GRIK1: variants seen among roughly 807,000 people sequenced by gnomAD.
GRIK1 encodes the protein glutamate ionotropic receptor kainate type subunit 1.
In GRIK1, 69 loss-of-function variants were observed where a neutral mutation model predicts 105.7. The observed-to-expected ratio is 0.65, with a 90% CI of 0.54 to 0.80. GRIK1 has a LOEUF of 0.80. GRIK1 is among the 30% of genes least tolerant of loss of function. GRIK1 has a pLI of 0.00. For missense variants in GRIK1, 1,109 were observed against 1,167.3 expected, an observed-to-expected ratio of 0.95 and a Z score of 0.73; for synonymous variants, 438 against 431.3, an observed-to-expected ratio of 1.02 and a Z score of -0.19.
chr21:29,660,357 C>T (rs1454571972), intron 4 of GRIK1, among the ~76,000 whole-genome samples: 3 of 152,156 alleles, frequency 2.0e-5, no homozygotes, highest in South Asian at 4.2e-4. Flanking sequence ...GGTCTAATGG[C>T]TGTGGTTGTT....
intron 1 of GRIK1, among the ~76,000 whole-genome samples, chr21:29,887,712 T>C (rs1272832273): frequency 6.6e-6 from 1 of 152,136 alleles, no homozygotes; most frequent in Non-Finnish European, 1.5e-5. Context: ...TCTTCCTTCC[T>C]CAGTGTGTTG....
intron 1 of GRIK1, among the ~76,000 whole-genome samples, chr21:29,752,930 G>A (rs1426392551): frequency 6.6e-6 from 1 of 152,216 alleles, no homozygotes; most frequent in Non-Finnish European, 1.5e-5. Flanking sequence ...GGTGGGAGTG[G>A]AGGACTCTGC....
intron 1 of GRIK1, among the ~76,000 whole-genome samples, chr21:29,879,866 A>G (rs1188367930): frequency 3.9e-5 from 6 of 151,912 alleles, no homozygotes; most frequent in Non-Finnish European, 5.9e-5. Flanking sequence ...TTTTTTTTTT[A>G]ACAAATGCTT....
chr21:29,821,617 T>C (rs1018076910), intron 1 of GRIK1, among the ~76,000 whole-genome samples: 2 of 151,992 alleles, frequency 1.3e-5, no homozygotes, highest in Non-Finnish European at 2.9e-5. Context: ...AACACTTAAG[T>C]TCCCTGCAAT....
rs971483573 is a variant in GRIK1 at position 29,713,834 on chromosome 21, G to T, written c.119-19771C>A. Among the ~76,000 whole-genome samples, 11 of 150,216 alleles carry T rather than the reference G, an allele frequency of 7.3e-5. No homozygotes were observed. In the East Asian group the frequency reaches 2.1e-3, roughly 29 times the overall value. On this transcript the variant is annotated intron_variant, in intron 1 of 17. Coordinates refer to ENST00000327783, the MANE Select transcript of GRIK1 (RefSeq NM_001330994.2). ...CAGCTGAACTTTTCCTCTGCCATTT[G>T]TTTTTTTTTGCTTCAGCTGTACAGT...
intron 1 of GRIK1, among the ~76,000 whole-genome samples, chr21:29,773,662 G>A (rs1203639178): frequency 6.6e-6 from 1 of 151,952 alleles, no homozygotes; most frequent in Non-Finnish European, 1.5e-5. Context: ...GTACACCATA[G>A]CTCATCTAGA....
chr21:29,777,306 C>G (rs458784), intron 1 of GRIK1, among the ~76,000 whole-genome samples: 21,484 of 152,086 alleles, frequency 0.14, 1,558 homozygotes, highest in Non-Finnish European at 0.16. Flanking sequence ...GATCCTGGTT[C>G]AATGGGTTAG....
chr21:29,914,017 G>A (rs543940482), intron 1 of GRIK1, among the ~76,000 whole-genome samples: 4 of 152,084 alleles, frequency 2.6e-5, no homozygotes, highest in South Asian at 2.1e-4. Context: ...GATGGATATT[G>A]TTTAGTTTAT....
chr21:29,581,595 A>C, intron 12 of GRIK1, 52 bp from the exon 13 acceptor site: 2 of 1,013,774 alleles, frequency 2.0e-6, no homozygotes, highest in Non-Finnish European at 1.5e-6. Context: ...CACACAGGAC[A>C]CCAGCAAAAC....
intron 9 of GRIK1, among the ~76,000 whole-genome samples, chr21:29,592,284 A>G (rs2061344645): frequency 6.6e-6 from 1 of 152,192 alleles, no homozygotes; most frequent in African/African-American, 2.4e-5. Flanking sequence ...GAACTCCTTC[A>G]GTGAGGATGC....
At chr21:29,635,295 T>C (rs375464438) in intron 7 of GRIK1, among the ~76,000 whole-genome samples, 12 of 152,252 alleles carry the variant, frequency 7.9e-5, no homozygotes, top group African/African-American at 2.6e-4. Context: ...TCTCCAGAGA[T>C]GGTTCTAGAT....
At chr21:29,925,200 C>A (rs547820305) in intron 1 of GRIK1, among the ~76,000 whole-genome samples, 1 of 152,304 alleles carries the variant, frequency 6.6e-6, no homozygotes, top group African/African-American at 2.4e-5. Context: ...TTCCCCTTAT[C>A]AGGATCACAG....
rs1022220406 is a variant in GRIK1 at position 29,589,995 on chromosome 21, G to A, written c.1366-953C>T. Among the ~76,000 whole-genome samples, 12 of 151,582 alleles carry A rather than the reference G, an allele frequency of 7.9e-5. No homozygotes were observed. In the East Asian group the frequency reaches 1.2e-3, roughly 15 times the overall value. On this transcript the variant is annotated intron_variant, in intron 10 of 17. Coordinates refer to ENST00000327783, the MANE Select transcript of GRIK1 (RefSeq NM_001330994.2). ...ATCTGGTCATTCTCTGCTTATATACGTGCATCATCAGTCCCCTCTCCTATA... is the reference window on the plus strand; with the variant it reads ...ATCTGGTCATTCTCTGCTTATATACATGCATCATCAGTCCCCTCTCCTATA...
chr21:29,873,726 T>C (rs774146858), intron 1 of GRIK1, among the ~76,000 whole-genome samples: 26 of 152,230 alleles, frequency 1.7e-4, no homozygotes, highest in Non-Finnish European at 3.2e-4. Flanking sequence ...GGGTCCTGTT[T>C]TGAAGGGCCT....
At chr21:29,629,317 A>G (rs970881887) in intron 7 of GRIK1, among the ~76,000 whole-genome samples, 10 of 151,938 alleles carry the variant, frequency 6.6e-5, no homozygotes, top group African/African-American at 2.4e-4. Flanking sequence ...AGGGAGTGGC[A>G]GAAAGGGCAT....
chr21:29,642,410 C>G (rs139416868), intron 7 of GRIK1, among the ~76,000 whole-genome samples: 2 of 152,318 alleles, frequency 1.3e-5, no homozygotes, highest in Non-Finnish European at 2.9e-5. Flanking sequence ...CAGTCCTGTA[C>G]AGCCTGAGCT....
chr21:29,731,068 A>G (rs1342936748), intron 1 of GRIK1, among the ~76,000 whole-genome samples: 2 of 152,186 alleles, frequency 1.3e-5, no homozygotes, highest in African/African-American at 4.8e-5. Context: ...GGAAACAAAA[A>G]GAAGTTAGAA....
intron 7 of GRIK1, among the ~76,000 whole-genome samples, chr21:29,614,043 A>G (rs1470016033): frequency 1.3e-5 from 2 of 152,164 alleles, no homozygotes; most frequent in Non-Finnish European, 2.9e-5. Context: ...CTCATAGGTC[A>G]TTCTCTGGGG....
Position 29,689,858 on chromosome 21 carries a change from G to C in GRIK1, c.414C>G (p.Pro138=), listed in dbSNP as rs761334857. ...AAAACAAATCTTTGTTGTCCACCGA[G>C]GGGTGTTTCCAGCGGGTCTGTATGT... The part of the protein sequence containing the change: ...VPHIQTRWKH[P]SVDNKDLFYI... The change falls in exon 3 of 18, where the codon CCC becomes CCG. Residue 138 remains proline, a synonymous_variant. Transcript: ENST00000327783. 18 of 1,613,968 alleles carry C rather than the reference G, an allele frequency of 1.1e-5. No homozygotes were observed. Among genetic ancestry groups the C allele is most frequent in the Non-Finnish European group, 1.5e-5 (18 of 1,179,932 alleles).
Sources: allele counts gnomAD v4.1 joint callset (sites outside exome capture counted in the v4.1 genomes callset), GRCh38; gene constraint gnomAD v4.1.1; transcripts MANE v1.5; gene names NCBI Gene and HGNC (gene_info 2026-07-23, HGNC 2026-07-21).